Variants in FHIT observed in about 807,000 individuals in gnomAD.
FHIT encodes fragile histidine triad diadenosine triphosphatase, also known as bis(5'-adenosyl)-triphosphatase.
In FHIT, 19 loss-of-function variants were observed where a neutral mutation model predicts 17.9. The observed-to-expected ratio is 1.06, with a 90% CI of 0.74 to 1.56. The LOEUF is 1.56. Ranked by LOEUF, FHIT falls within the 40% of genes most tolerant of loss-of-function variation. FHIT has a pLI of 0.00. For missense variants in FHIT, 248 were observed against 189.2 expected, an observed-to-expected ratio of 1.31 and a Z score of -1.82; for synonymous variants, 81 against 69.7, an observed-to-expected ratio of 1.16 and a Z score of -0.81.
intron 5 of FHIT, among the ~76,000 whole-genome samples, chr3:60,059,977 A>AGTTGT (rs1702234716): frequency 6.6e-6 from 1 of 152,164 alleles, no homozygotes; most frequent in Non-Finnish European, 1.5e-5. Flanking sequence ...GTGCTCCATG[A>AGTTGT]GTTGTTGTTT....
intron 4 of FHIT, among the ~76,000 whole-genome samples, chr3:60,605,412 A>G (rs1347426399): frequency 1.3e-5 from 2 of 152,232 alleles, no homozygotes; most frequent in African/African-American, 4.8e-5. Flanking sequence ...CCTGACAGAT[A>G]CCAAGAGATC....
intron 4 of FHIT, among the ~76,000 whole-genome samples, chr3:60,711,386 A>G (rs2041526938): frequency 6.6e-6 from 1 of 152,240 alleles, no homozygotes; most frequent in Admixed American, 6.5e-5. Flanking sequence ...CTCCAAAGGA[A>G]CGCAGCTCCT....
rs116721496 is a variant in FHIT at position 60,131,096 on chromosome 3, T to C, written c.104-116944A>G. On this transcript the variant is annotated intron_variant, in intron 5 of 9. Transcript: ENST00000492590. The stretch of plus-strand genomic sequence containing the variant: ...GTATGTATACACATATATACACATA[T>C]ATACACACAAACCCACAGTCATCCC... Among the ~76,000 whole-genome samples the C allele has an allele frequency of 9.9e-4, 93 of 93,752 alleles. 1 individual carries two copies. Among genetic ancestry groups the C allele is most frequent in the African/African-American group, 3.1e-3 (51 of 16,506 alleles). The allele number at this position is 93,752 out of a possible 152,430, so 61.5% of individuals were successfully genotyped here. A position where few individuals can be genotyped will look rare whatever the true frequency, so the allele number is the denominator to read the frequency against.
intron 3 of FHIT, among the ~76,000 whole-genome samples, chr3:61,006,446 A>G (rs1011804121): frequency 6.6e-6 from 1 of 152,218 alleles, no homozygotes; most frequent in Non-Finnish European, 1.5e-5. Context: ...TATTTCACGA[A>G]TCCAAGGTGA....
At chr3:60,368,405 T>A (rs1700196043) in intron 5 of FHIT, among the ~76,000 whole-genome samples, 1 of 152,020 alleles carries the variant, frequency 6.6e-6, no homozygotes, top group Non-Finnish European at 1.5e-5. Context: ...TGAACACCTT[T>A]TAATGGACTT....
chr3:60,283,811 C>T lies in FHIT; in HGVS notation c.103+253049G>A, dbSNP rs534362783. Among the ~76,000 whole-genome samples, 93 of 139,324 alleles carry T rather than the reference C, an allele frequency of 6.7e-4. 2 individuals are homozygous for T. Among genetic ancestry groups the T allele is most frequent in the South Asian group, 2.2e-3 (10 of 4,568 alleles). 91.4% of individuals were successfully genotyped at this position (139,324 alleles called of 152,430 possible). ...GAAAAAGAGGTTGAGAAGAGTGCAC[C>T]GAAAGAGGTAAAAAAAGGAGACTAT... On this transcript the variant is annotated intron_variant, in intron 5 of 9. Transcript: ENST00000492590.
intron 8 of FHIT, among the ~76,000 whole-genome samples, chr3:59,806,009 G>A (rs970849443): frequency 2.0e-5 from 3 of 151,946 alleles, no homozygotes; most frequent in East Asian, 1.9e-4. Context: ...GTGAAACCCC[G>A]TCTCTGCTAA....
intron 5 of FHIT, among the ~76,000 whole-genome samples, chr3:60,314,506 T>C (rs977234777): frequency 1.3e-5 from 2 of 152,172 alleles, no homozygotes; most frequent in Non-Finnish European, 2.9e-5. Context: ...AAGAGAAGTA[T>C]GATGTGACAG....
At chr3:60,484,527 C>T (rs907398187) in intron 5 of FHIT, among the ~76,000 whole-genome samples, 3 of 152,110 alleles carry the variant, frequency 2.0e-5, no homozygotes, top group African/African-American at 4.8e-5. Context: ...TCATCTATAA[C>T]CATCTGATCT....
At chr3:60,773,048 C>T (rs1443947130) in intron 4 of FHIT, among the ~76,000 whole-genome samples, 1 of 152,138 alleles carries the variant, frequency 6.6e-6, no homozygotes, top group Non-Finnish European at 1.5e-5. Flanking sequence ...CCATCTCCGG[C>T]ATGGTGTGGC....
intron 7 of FHIT, among the ~76,000 whole-genome samples, chr3:59,978,215 C>T (rs1190157241): frequency 6.6e-6 from 1 of 152,038 alleles, no homozygotes; most frequent in Non-Finnish European, 1.5e-5. Flanking sequence ...GCAATTTGGA[C>T]TCAAATTCCA....
At chr3:60,490,198 CTGTT>C (rs977038045) in intron 5 of FHIT, among the ~76,000 whole-genome samples, 10 of 152,124 alleles carry the variant, frequency 6.6e-5, no homozygotes, top group Non-Finnish European at 5.9e-5. Flanking sequence ...TAATCTTACA[CTGTT>C]TGTGTTTATA....
intron 4 of FHIT, among the ~76,000 whole-genome samples, chr3:60,624,576 G>C (rs2039228509): frequency 6.6e-6 from 1 of 152,126 alleles, no homozygotes; most frequent in South Asian, 2.1e-4. Context: ...ATTCAAGAAG[G>C]GTGGGAATGG....
chr3:60,013,986 C>G (rs992813285), intron 6 of FHIT, 21 bp downstream of exon 6: 21 of 1,611,674 alleles, frequency 1.3e-5, no homozygotes, highest in Non-Finnish European at 1.8e-5. Context: ...AAAATCATTT[C>G]TGAGAAATCT....
chr3:60,339,693 G>C (rs1710420578), intron 5 of FHIT, among the ~76,000 whole-genome samples: 1 of 152,162 alleles, frequency 6.6e-6, no homozygotes, highest in African/African-American at 2.4e-5. Context: ...TAACAGCTGT[G>C]AATCAAAACA....
At chr3:61,232,652 G>T (rs2040135709) in intron 1 of FHIT, among the ~76,000 whole-genome samples, 1 of 152,262 alleles carries the variant, frequency 6.6e-6, no homozygotes, top group Non-Finnish European at 1.5e-5. Context: ...TTCAAATACT[G>T]CAAAGTATGC....
intron 2 of FHIT, among the ~76,000 whole-genome samples, chr3:61,084,096 T>G (rs891371562): frequency 4.6e-5 from 7 of 152,218 alleles, no homozygotes; most frequent in African/African-American, 1.4e-4. Flanking sequence ...GGAATTTATT[T>G]CTGTTTATGA....
intron 7 of FHIT, among the ~76,000 whole-genome samples, chr3:59,949,009 C>A (rs554837903): frequency 5.9e-5 from 9 of 152,144 alleles, no homozygotes; most frequent in African/African-American, 1.9e-4. Context: ...AGCATAGGAC[C>A]CAATAGTTGG....
At chr3:60,960,331 C>T (rs1553780326) in intron 3 of FHIT, among the ~76,000 whole-genome samples, 1 of 152,170 alleles carries the variant, frequency 6.6e-6, no homozygotes, top group African/African-American at 2.4e-5. Context: ...GAGCACTTCA[C>T]TGTTGCTCTT....
Sources: gnomAD v4.1 joint callset for allele counts (sites outside exome capture counted in the v4.1 genomes callset) on GRCh38, gnomAD v4.1.1 for gene constraint, MANE v1.5 for transcripts, NCBI Gene and HGNC (gene_info 2026-07-23, HGNC 2026-07-21) for gene names.